ZNF704: variants seen among roughly 807,000 people sequenced by gnomAD.
The protein encoded by ZNF704 is glucocorticoid induced gene 1.
A neutral mutation model predicts 44.7 loss-of-function variants in ZNF704; 10 were observed. The ratio of observed to expected loss-of-function variants is 0.22; its 90% confidence interval spans 0.14 to 0.38. The LOEUF is 0.38. Among genes scored for constraint, ZNF704 ranks in the 10% least tolerant of loss-of-function variants. The pLI is 1.00. For synonymous variants in ZNF704, 211 were observed against 207.6 expected (o/e 1.02, Z -0.14); for missense variants, 390 against 545.5 (o/e 0.71, Z 2.84).
At chr8:80,713,766 A>G (rs1233693598) in intron 2 of ZNF704, among the ~76,000 whole-genome samples, 2 of 152,216 alleles carry the variant, frequency 1.3e-5, no homozygotes, top group Non-Finnish European at 2.9e-5. Context: ...TCATCTTAGA[A>G]GCTGGCTGTG....
At chr8:80,807,292 C>CA in intron 2 of ZNF704, among the ~76,000 whole-genome samples, 1 of 152,258 alleles carries the variant, frequency 6.6e-6, no homozygotes, top group Non-Finnish European at 1.5e-5. Context: ...GTGCCACATG[C>CA]AGGCGGGTCC....
chr8:80,859,214 A>T (rs1809017609), intron 1 of ZNF704, among the ~76,000 whole-genome samples: 1 of 152,168 alleles, frequency 6.6e-6, no homozygotes. Flanking sequence ...TTCATCTCTG[A>T]TCATAGGTTT....
intron 2 of ZNF704, among the ~76,000 whole-genome samples, chr8:80,773,067 T>G (rs1807351328): frequency 6.6e-6 from 1 of 152,192 alleles, no homozygotes; most frequent in East Asian, 1.9e-4. Flanking sequence ...CTGTTACCTT[T>G]CTATTATTCA....
intron 1 of ZNF704, among the ~76,000 whole-genome samples, chr8:80,834,703 G>A (rs1808529305): frequency 6.6e-6 from 1 of 152,098 alleles, no homozygotes; most frequent in African/African-American, 2.4e-5. Flanking sequence ...GCCCTGACAG[G>A]CCCCGGTGTG....
At chr8:80,800,649 C>T (rs1807883549) in intron 2 of ZNF704, among the ~76,000 whole-genome samples, 1 of 152,150 alleles carries the variant, frequency 6.6e-6, no homozygotes, top group African/African-American at 2.4e-5. Context: ...CTTGCAAGAG[C>T]TTCTGAGGGA....
At chr8:80,820,210 T>C (rs977643807) in intron 2 of ZNF704, among the ~76,000 whole-genome samples, 6 of 152,312 alleles carry the variant, frequency 3.9e-5, no homozygotes, top group African/African-American at 7.2e-5. Flanking sequence ...GGATAAAGCA[T>C]GAACAGAGTA....
At chr8:80,794,562 G>C (rs1807766749) in intron 2 of ZNF704, among the ~76,000 whole-genome samples, 1 of 152,120 alleles carries the variant, frequency 6.6e-6, no homozygotes, top group Non-Finnish European at 1.5e-5. Context: ...AAACCAAAAA[G>C]TTACTTTAAT....
upstream of ZNF704, among the ~76,000 whole-genome samples, chr8:80,879,349 A>G (rs1809397664): frequency 6.6e-6 from 1 of 151,234 alleles, no homozygotes; most frequent in South Asian, 2.1e-4. Context: ...CTGTCCTCCC[A>G]CCTCAGCCTC....
intron 6 of ZNF704, among the ~76,000 whole-genome samples, chr8:80,661,647 A>T (rs1167871678): frequency 6.6e-6 from 1 of 152,172 alleles, no homozygotes; most frequent in Non-Finnish European, 1.5e-5. Flanking sequence ...CAGCCATATG[A>T]ATGGAACTAG....
intron 7 of ZNF704, among the ~76,000 whole-genome samples, chr8:80,644,526 A>C (rs1205113940): frequency 6.6e-6 from 1 of 152,242 alleles, no homozygotes; most frequent in African/African-American, 2.4e-5. Flanking sequence ...AATAAAATGG[A>C]AAGTTTCCAG....
intron 5 of ZNF704, among the ~76,000 whole-genome samples, chr8:80,667,444 C>T (rs571952887): frequency 6.6e-5 from 10 of 152,294 alleles, no homozygotes; most frequent in African/African-American, 2.2e-4. Context: ...AGGGCTGAGA[C>T]GTTAAGTCCT....
chr8:80,649,623 C>T (rs1342624851), intron 7 of ZNF704, among the ~76,000 whole-genome samples: 1 of 152,188 alleles, frequency 6.6e-6, no homozygotes, highest in Non-Finnish European at 1.5e-5. Context: ...GGGAGGGGCA[C>T]CCGCCATTGC....
intron 2 of ZNF704, among the ~76,000 whole-genome samples, chr8:80,764,322 T>G (rs1207847325): frequency 1.3e-5 from 2 of 151,794 alleles, no homozygotes; most frequent in Non-Finnish European, 2.9e-5. Flanking sequence ...AAACTTAGAG[T>G]CATGGTGGAA....
chr8:80,833,788 A>C (rs1177713094), intron 1 of ZNF704, among the ~76,000 whole-genome samples: 1 of 152,184 alleles, frequency 6.6e-6, no homozygotes, highest in East Asian at 1.9e-4. Context: ...CCGAGACACC[A>C]GGTTGCACTG....
At chr8:80,868,838 G>A (rs1809201126) in intron 1 of ZNF704, among the ~76,000 whole-genome samples, 1 of 151,940 alleles carries the variant, frequency 6.6e-6, no homozygotes, top group African/African-American at 2.4e-5. Context: ...CTCTTCTTAT[G>A]TCACTCAGTC....
chr8:80,629,169 T>A lies in ZNF704; in HGVS notation c.*12197A>T, dbSNP rs1817546864. On this transcript the variant is annotated 3_prime_UTR_variant, in exon 9 of 9. Transcript: ENST00000327835. Reference sequence around the variant, plus strand: ...ATCATTTAAACATTCAACAAATCTATGTACAATGTGCCAGAAGCTGGCAAG... The same window carrying A: ...ATCATTTAAACATTCAACAAATCTAAGTACAATGTGCCAGAAGCTGGCAAG... The A allele has an allele frequency of 6.6e-6, 1 of 152,312 alleles. No homozygotes were observed. The highest frequency in any genetic ancestry group is 2.1e-4 in the South Asian group (1 of 4,826). 9.4% of individuals were successfully genotyped at this position (152,312 alleles called of 1,614,324 possible). A position where few individuals can be genotyped will look rare whatever the true frequency, so the allele number is the denominator to read the frequency against.
chr8:80,767,138 T>C (rs1807241189), intron 2 of ZNF704, among the ~76,000 whole-genome samples: 1 of 152,140 alleles, frequency 6.6e-6, no homozygotes, highest in Non-Finnish European at 1.5e-5. Context: ...AGTGCTATCA[T>C]ATATAACATT....
intron 2 of ZNF704, among the ~76,000 whole-genome samples, chr8:80,753,213 G>C (rs765947452): frequency 2.0e-5 from 3 of 152,190 alleles, no homozygotes; most frequent in African/African-American, 7.2e-5. Flanking sequence ...GGCTGGAGAT[G>C]AGAGTGCAAA....
rs1344501848 is a variant in ZNF704 at position 80,874,093 on chromosome 8, ACCTCCTCTT to A, written c.-22+469_-22+477del. Among the ~76,000 whole-genome samples, 3 of 144,764 alleles carry A rather than the reference ACCTCCTCTT, an allele frequency of 2.1e-5. No individual in the cohort carries two copies. The highest frequency in any genetic ancestry group is 3.1e-5 in the Non-Finnish European group (2 of 65,412). The allele number at this position is 144,764 out of a possible 152,430, so 95.0% of individuals were successfully genotyped here. On this transcript the variant is annotated intron_variant, in intron 1 of 8. Coordinates refer to ENST00000327835, the MANE Select transcript of ZNF704 (RefSeq NM_001033723.3). The surrounding 1 kb of genome is among the most constrained non-coding windows in gnomAD (Gnocchi z 4.4). Reference sequence around the variant, plus strand: ...GCGGCGCGGGGCCGGAGAGTTTGTCACCTCCTCTTCCTCCTCTGCCTCCGCCGGTGGCCG... The same window carrying A: ...GCGGCGCGGGGCCGGAGAGTTTGTCACCTCCTCTGCCTCCGCCGGTGGCCG...
Sources: gnomAD v4.1 joint callset for allele counts (sites outside exome capture counted in the v4.1 genomes callset) on GRCh38, gnomAD v4.1.1 for gene constraint, Gnocchi (gnomAD v3.1) non-coding constraint, MANE v1.5 for transcripts, NCBI Gene and HGNC (gene_info 2026-07-23, HGNC 2026-07-21) for gene names.